AGBL1: variants seen among roughly 807,000 people sequenced by gnomAD.
AGBL1 encodes the protein cytosolic carboxypeptidase 4.
In AGBL1, 130 loss-of-function variants were observed where a neutral mutation model predicts 118.9. The observed-to-expected ratio is 1.09, with a 90% CI of 0.95 to 1.26. The LOEUF is 1.26. Ranked by LOEUF, AGBL1 falls within the 50% of genes most tolerant of loss-of-function variation. AGBL1 has a pLI of 0.00. For missense variants in AGBL1, 1,584 were observed against 1,298.1 expected (o/e 1.22, Z -3.38); for synonymous variants, 555 against 478.9 (o/e 1.16, Z -2.08).
chr15:86,873,660 A>G (rs1316153446), intron 22 of AGBL1, among the ~76,000 whole-genome samples: 1 of 152,164 alleles, frequency 6.6e-6, no homozygotes. Context: ...GGTGCCATTT[A>G]TGAATCAGGA....
intron 1 of AGBL1, among the ~76,000 whole-genome samples, chr15:86,135,846 C>T (rs2076882067): frequency 2.0e-5 from 3 of 152,196 alleles, no homozygotes; most frequent in Admixed American, 2.0e-4. Context: ...TAGAATGTGG[C>T]AGAAGTGATG....
intron 22 of AGBL1, among the ~76,000 whole-genome samples, chr15:86,686,210 A>G (rs1423914503): frequency 6.6e-6 from 1 of 152,138 alleles, no homozygotes; most frequent in Non-Finnish European, 1.5e-5. Context: ...GGATTGATCT[A>G]GTTTTTTTAA....
chr15:87,006,711 G>A (rs1319175433), intron 24 of AGBL1, among the ~76,000 whole-genome samples: 1 of 152,126 alleles, frequency 6.6e-6, no homozygotes, highest in Non-Finnish European at 1.5e-5. Context: ...ACAAGCCCCA[G>A]TGAGATGAAC....
At chr15:86,385,932 TCCCC>T (rs2081177348) in intron 17 of AGBL1, among the ~76,000 whole-genome samples, 1 of 56,692 alleles carries the variant, frequency 1.8e-5, no homozygotes, top group Non-Finnish European at 3.5e-5. Context: ...CTCCTCCCCC[TCCCC>T]TCCTCCTCTC....
intron 18 of AGBL1, among the ~76,000 whole-genome samples, chr15:86,461,184 T>C (rs74800078): frequency 0.1 from 15,748 of 152,132 alleles, 912 homozygotes; most frequent in South Asian, 0.15. Flanking sequence ...CAGCTGCCTC[T>C]ACCATGCCCC....
rs2080392686 is a variant in AGBL1 at position 86,914,343 on chromosome 15, A to T, written c.*7049A>T. ...GCTCAGACAATCACATAAGTGACTC[A>T]TTTCACTCTCAGTACCAGCTCTGTG... On this transcript the variant is annotated 3_prime_UTR_variant, in exon 23 of 23. Coordinates refer to ENST00000614907, the MANE Select transcript of AGBL1 (RefSeq NM_001386094.1). The T allele has an allele frequency of 6.6e-6, 1 of 152,164 alleles. No homozygotes were observed. The highest frequency in any genetic ancestry group is 1.5e-5 in the Non-Finnish European group (1 of 68,036). The allele number at this position is 152,164 out of a possible 1,614,324, so 9.4% of individuals were successfully genotyped here. A position where few individuals can be genotyped will look rare whatever the true frequency, so the allele number is the denominator to read the frequency against.
At chr15:86,968,084 A>G (rs1170809300) in intron 23 of AGBL1, among the ~76,000 whole-genome samples, 1 of 151,924 alleles carries the variant, frequency 6.6e-6, no homozygotes, top group African/African-American at 2.4e-5. Context: ...TTTATGTTGC[A>G]GAGTGGGGCT....
intron 22 of AGBL1, among the ~76,000 whole-genome samples, chr15:86,726,495 G>C (rs938897588): frequency 6.6e-6 from 1 of 152,188 alleles, no homozygotes; most frequent in Non-Finnish European, 1.5e-5. Flanking sequence ...GGTTAACTTA[G>C]GATTGAGCAA....
chr15:86,126,185 C>T (rs1193122623), intron 1 of AGBL1, among the ~76,000 whole-genome samples: 1 of 152,014 alleles, frequency 6.6e-6, no homozygotes, highest in East Asian at 1.9e-4. Context: ...ATTTTATAAC[C>T]ACGCCTGCTG....
chr15:86,706,079 T>C (rs940976334), intron 22 of AGBL1, among the ~76,000 whole-genome samples: 3 of 152,066 alleles, frequency 2.0e-5, no homozygotes, highest in Admixed American at 2.0e-4. Context: ...CCATCTGAAA[T>C]CAATTATTAA....
chr15:86,553,573 C>T (rs1457764556), intron 20 of AGBL1, among the ~76,000 whole-genome samples: 15 of 152,166 alleles, frequency 9.9e-5, no homozygotes, highest in Non-Finnish European at 8.8e-5. Flanking sequence ...ACTATATGTG[C>T]TTCTTCTCTA....
intron 21 of AGBL1, among the ~76,000 whole-genome samples, chr15:86,661,727 T>A (rs2085544206): frequency 6.6e-6 from 1 of 152,050 alleles, no homozygotes; most frequent in Admixed American, 6.6e-5. Flanking sequence ...AAACTGGAGA[T>A]AGGGAGCTGG....
At chr15:86,080,768 T>G (rs1485815430) in intron 1 of AGBL1, among the ~76,000 whole-genome samples, 2 of 152,032 alleles carry the variant, frequency 1.3e-5, no homozygotes, top group African/African-American at 4.8e-5. Context: ...GTTTGAAAAC[T>G]CCCCCGGGGT....
chr15:86,705,892 A>G (rs1190511039), intron 22 of AGBL1, among the ~76,000 whole-genome samples: 3 of 152,150 alleles, frequency 2.0e-5, no homozygotes, highest in African/African-American at 7.2e-5. Context: ...CACTATCTTC[A>G]CAAGCAACAT....
chr15:86,762,900 GAA>G (rs1156697392), intron 22 of AGBL1, among the ~76,000 whole-genome samples: 1 of 152,012 alleles, frequency 6.6e-6, no homozygotes, highest in Non-Finnish European at 1.5e-5. Flanking sequence ...AGTGAAGAGA[GAA>G]GAGAAAATAT....
At chr15:86,679,411 C>T (rs2085909775) in intron 22 of AGBL1, among the ~76,000 whole-genome samples, 1 of 151,932 alleles carries the variant, frequency 6.6e-6, no homozygotes, top group African/African-American at 2.4e-5. Context: ...TAGGAAATTT[C>T]TGGGTTATTT....
rs140443679 is a variant in AGBL1, at chr15:86,902,003, C to T, written c.3159-5084C>T. 1.1e-4 allele frequency among the ~76,000 whole-genome samples: 16 copies of T among 151,624 alleles called. No homozygotes were observed. The East Asian group carries it at 3.0e-3, about 28-fold the overall frequency. On this transcript the variant is annotated intron_variant, in intron 22 of 22. Coordinates refer to ENST00000614907, the MANE Select transcript of AGBL1 (RefSeq NM_001386094.1). ...TGGTATGCAGGTCCCACAGTTCATT[C>T]ACCATTCACCTATTTTTGGACATTT...
chr15:86,665,179 T>G (rs1277596271), intron 21 of AGBL1, among the ~76,000 whole-genome samples: 1 of 152,174 alleles, frequency 6.6e-6, no homozygotes, highest in African/African-American at 2.4e-5. Flanking sequence ...CGGTGTGAAT[T>G]CACTCAAGTT....
intron 21 of AGBL1, among the ~76,000 whole-genome samples, chr15:86,602,278 G>T (rs1272810886): frequency 6.6e-6 from 1 of 152,124 alleles, no homozygotes. Flanking sequence ...CTCCTTCATA[G>T]AATTATTCTG....
Sources: allele counts gnomAD v4.1 joint callset (sites outside exome capture counted in the v4.1 genomes callset), GRCh38; gene constraint gnomAD v4.1.1; transcripts MANE v1.5; gene names NCBI Gene and HGNC (gene_info 2026-07-23, HGNC 2026-07-21).